PRPF3: variants seen among roughly 807,000 people sequenced by gnomAD.
PRPF3 encodes the protein pre-mRNA processing factor 3.
A neutral mutation model predicts 89.2 loss-of-function variants in PRPF3; 3 were observed. The ratio of observed to expected loss-of-function variants is 0.03; its 90% CI spans 0.02 to 0.09. The LOEUF (loss-of-function observed/expected upper bound fraction) is 0.09. Among genes scored for constraint, PRPF3 ranks in the 10% least tolerant of loss-of-function variants. The pLI, the probability that PRPF3 is intolerant of heterozygous loss-of-function variation, is 1.00. For synonymous variants in PRPF3, 270 were observed against 289.1 expected (o/e 0.93, Z 0.67); for missense variants, 463 against 828.8 (o/e 0.56, Z 5.42).
At chr1:150,326,010 AT>A in intron 3 of PRPF3, 129 bp downstream of exon 3, 1 of 1,172,538 alleles carries the variant, frequency 8.5e-7, no homozygotes, top group Non-Finnish European at 1.2e-6. Context: ...GTACTTAGAC[AT>A]TAGAGTAGGA....
chr1:150,346,946 C>T lies in PRPF3; in HGVS notation c.1843+455C>T, dbSNP rs113834640. 7.2e-5 allele frequency among the ~76,000 whole-genome samples: 11 copies of T among 152,170 alleles called. 1 individual carries two copies. The highest frequency in any genetic ancestry group is 2.6e-4 in the African/African-American group (11 of 41,512). On this transcript the variant is annotated intron_variant, in intron 14 of 15. Coordinates refer to ENST00000324862, the MANE Select transcript of PRPF3 (RefSeq NM_004698.4). ...TATCTACAAAAAGTACAAAAATTAGCTGGATGTGGTGGCACACACCTGTAT... is the reference window on the plus strand; with the variant it reads ...TATCTACAAAAAGTACAAAAATTAGTTGGATGTGGTGGCACACACCTGTAT...
chr1:150,351,693 T>TTTTTA (rs1273302225), intron 15 of PRPF3, among the ~76,000 whole-genome samples: 2 of 144,244 alleles, frequency 1.4e-5, no homozygotes, highest in Non-Finnish European at 3.0e-5. Flanking sequence ...TTTTTTTTTT[T>TTTTTA]AGAAATGGAT....
Position 150,352,862 on chromosome 1 carries a change from G to T in PRPF3, c.1935G>T (p.Glu645Asp), listed in dbSNP as rs1277916822. Residue 645 changes from glutamate (E) to aspartate (D), a missense_variant, in exon 16 of 16, where the codon GAG becomes GAT. Transcript: ENST00000324862. ...EGTAKDRSFG[E>D]MKFKQCPTEN... ...CAGCCAAAGACCGGAGCTTTGGAGA[G>T]ATGAAGTTTAAACAGTGTCCTACAG... 1 of 1,614,048 alleles carries T rather than the reference G, an allele frequency of 6.2e-7. No individual in the cohort carries two copies. Among genetic ancestry groups the T allele is most frequent in the Non-Finnish European group, 8.5e-7 (1 of 1,180,026 alleles).
intron 5 of PRPF3, 105 bp from the exon 6 acceptor site, chr1:150,332,874 A>G: frequency 6.7e-7 from 1 of 1,488,514 alleles, no homozygotes; most frequent in Non-Finnish European, 9.3e-7. Flanking sequence ...TCACTTCATA[A>G]TCATCTGCTA....
chr1:150,341,353 T>A (rs1572253772), intron 9 of PRPF3, among the ~76,000 whole-genome samples: 1 of 151,748 alleles, frequency 6.6e-6, no homozygotes, highest in Non-Finnish European at 1.5e-5. Context: ...TCCAAAGGGC[T>A]TTTTGTTAGT....
At position 150,324,948 on chromosome 1, in the gene PRPF3, A is replaced by C; in HGVS notation, c.6A>C (p.Ala2=). 1.2e-6 allele frequency: 2 copies of C among 1,606,736 alleles called. No homozygotes were observed. Among genetic ancestry groups the C allele is most frequent in the Non-Finnish European group, 1.7e-6 (2 of 1,177,676 alleles). M[A]LSKRELDELK... is the part of the protein sequence containing the mutation. ...TGTTCTCTTTTTCCTGAAAAATGGC[A>C]CTGTCAAAGAGGGAGCTGGATGAGC... Residue 2 remains alanine, a synonymous_variant, in exon 2 of 16, where the codon GCA becomes GCC. Coordinates refer to ENST00000324862, the MANE Select transcript of PRPF3 (RefSeq NM_004698.4).
chr1:150,329,215 A>G (rs1656059422), intron 4 of PRPF3, among the ~76,000 whole-genome samples: 1 of 151,976 alleles, frequency 6.6e-6, no homozygotes, highest in Non-Finnish European at 1.5e-5. Flanking sequence ...TTTTTAGTAC[A>G]GATGGTATTT....
intron 8 of PRPF3, among the ~76,000 whole-genome samples, chr1:150,339,036 C>T (rs1020811382): frequency 6.6e-6 from 1 of 151,586 alleles, no homozygotes. Context: ...TGTGATAGAG[C>T]AAGGATTATT....
chr1:150,327,346 A>G (rs1216031754), intron 3 of PRPF3, among the ~76,000 whole-genome samples: 1 of 152,126 alleles, frequency 6.6e-6, no homozygotes, highest in Non-Finnish European at 1.5e-5. Flanking sequence ...AATTACAGGC[A>G]TGAGCCACTG....
In PRPF3 at chr1:150,343,340, A is replaced by G. The variant is rs1553871980; in HGVS notation, c.1314A>G (p.Val438=). 2.0e-6 allele frequency: 3 copies of G among 1,498,472 alleles called. No individual in the cohort carries two copies. The highest frequency in any genetic ancestry group is 1.1e-5 in the South Asian group (1 of 89,658). The allele number at this position is 1,498,472 out of a possible 1,614,324, so 92.8% of individuals were successfully genotyped here. A position where few individuals can be genotyped will look rare whatever the true frequency, so the allele number is the denominator to read the frequency against. ...ATGACACACCAGTTACTCTGGGAGT[A>G]TATCTTACCAAGAAGGAACAGAAAA... ...VDNDTPVTLG[V]YLTKKEQKKL... Residue 438 remains valine, a synonymous_variant, in exon 10 of 16, where the codon GTA becomes GTG. Coordinates refer to ENST00000324862, the MANE Select transcript of PRPF3 (RefSeq NM_004698.4).
At chr1:150,328,154 G>A in intron 3 of PRPF3, 166 bp from the exon 4 acceptor site, 1 of 667,416 alleles carries the variant, frequency 1.5e-6, no homozygotes, top group East Asian at 2.7e-5. Flanking sequence ...TTGAAGTTGG[G>A]TGAGATGGAG....
chr1:150,323,196 T>TGTTTTTC (rs1655289788), intron 1 of PRPF3, among the ~76,000 whole-genome samples: 1 of 121,812 alleles, frequency 8.2e-6, no homozygotes. Flanking sequence ...TTTTTTTTTT[T>TGTTTTTC]TGGAGACACA....
chr1:150,351,219 C>T (rs1395936763), intron 15 of PRPF3, among the ~76,000 whole-genome samples: 1 of 150,838 alleles, frequency 6.6e-6, no homozygotes, highest in Non-Finnish European at 1.5e-5. Context: ...GAGCCGAGAT[C>T]GCACCATTGC....
chr1:150,349,897 G>GGGGGGGCT (rs1256676723), intron 15 of PRPF3, among the ~76,000 whole-genome samples: 1 of 128,852 alleles, frequency 7.8e-6, no homozygotes, highest in Non-Finnish European at 1.7e-5. Context: ...GCGGGGGGGC[G>GGGGGGGCT]GGGGGCGGTA....
intron 9 of PRPF3, among the ~76,000 whole-genome samples, chr1:150,342,874 G>T (rs1376991370): frequency 6.6e-6 from 1 of 152,138 alleles, no homozygotes; most frequent in African/African-American, 2.4e-5. Flanking sequence ...TCACTTGGTT[G>T]TCCAGGCTGG....
chr1:150,329,526 G>A (rs1553864820), intron 4 of PRPF3, among the ~76,000 whole-genome samples: 3 of 152,174 alleles, frequency 2.0e-5, no homozygotes, highest in African/African-American at 4.8e-5. Context: ...CTTAATGACA[G>A]AGGAGACTCT....
intron 14 of PRPF3, among the ~76,000 whole-genome samples, chr1:150,348,146 G>A (rs57163995): frequency 0.047 from 7,186 of 152,124 alleles, 433 homozygotes; most frequent in African/African-American, 0.13. Context: ...ACTTTGGGAG[G>A]CCGAGGCGGG....
At chr1:150,347,727 C>CA (rs880002055) in intron 14 of PRPF3, among the ~76,000 whole-genome samples, 184 of 135,342 alleles carry the variant, frequency 1.4e-3, no homozygotes, top group East Asian at 0.012. Context: ...GACTCCATCT[C>CA]AAAAAAAAAA....
intron 4 of PRPF3, among the ~76,000 whole-genome samples, chr1:150,328,971 C>T (rs587759834): frequency 2.0e-5 from 3 of 151,924 alleles, no homozygotes; most frequent in Admixed American, 2.0e-4. Flanking sequence ...GGATTATAGG[C>T]GTGAGCCAGC....
Sources: gnomAD v4.1 joint callset for allele counts (sites outside exome capture counted in the v4.1 genomes callset) on GRCh38, gnomAD v4.1.1 for gene constraint, MANE v1.5 for transcripts, NCBI Gene and HGNC (gene_info 2026-07-23, HGNC 2026-07-21) for gene names.